Variants in CS observed in about 807,000 individuals in gnomAD.
CS encodes citrate synthase, also known as citrate synthase, mitochondrial.
CS carries 13 observed loss-of-function variants against 61.4 expected under a neutral mutation model. That is an observed-to-expected ratio of 0.21 (90% CI 0.14 to 0.34). The LOEUF is 0.34. CS is among the 10% of genes least tolerant of loss of function. CS has a pLI of 1.00. For missense variants in CS, 278 were observed against 573.4 expected (o/e 0.48, Z 5.26); for synonymous variants, 159 against 215.2 (o/e 0.74, Z 2.29).
intron 1 of CS, among the ~76,000 whole-genome samples, chr12:56,296,385 G>A (rs544122914): frequency 1.3e-5 from 2 of 152,094 alleles, no homozygotes; most frequent in East Asian, 3.9e-4. Flanking sequence ...ATGAGGTTGA[G>A]GCTGTAGTAA....
chr12:56,296,271 GACA>G (rs1162966326), intron 1 of CS, among the ~76,000 whole-genome samples: 1 of 152,032 alleles, frequency 6.6e-6, no homozygotes, highest in African/African-American at 2.4e-5. Context: ...AACCAGCCTG[GACA>G]ACATGGCAAA....
intron 2 of CS, 169 bp from the exon 3 acceptor site, chr12:56,286,192 GA>G: frequency 1.7e-6 from 1 of 602,856 alleles, no homozygotes; most frequent in Admixed American, 3.0e-5. Context: ...GGGGAAGAAG[GA>G]ATGAGGAGTT....
chr12:56,289,160 C>G (rs1400628926), intron 1 of CS, among the ~76,000 whole-genome samples: 1 of 152,200 alleles, frequency 6.6e-6, no homozygotes, highest in Admixed American at 6.5e-5. Flanking sequence ...ACAAACAGCC[C>G]TTCATAGCCC....
chr12:56,277,880 T>G (rs1872669562), intron 6 of CS, among the ~76,000 whole-genome samples: 1 of 152,048 alleles, frequency 6.6e-6, no homozygotes, highest in Admixed American at 6.6e-5. Context: ...TTGCCCACCT[T>G]GGCCCCTCAA....
rs1271940990 is a variant in CS at position 56,272,765 on chromosome 12, T to C, written c.*319A>G. 2 of 202,698 alleles carry C rather than the reference T, an allele frequency of 9.9e-6. No individual in the cohort carries two copies. Among genetic ancestry groups the C allele is most frequent in the South Asian group, 9.6e-5 (1 of 10,410 alleles). 12.6% of individuals were successfully genotyped at this position (202,698 alleles called of 1,614,324 possible). A position where few individuals can be genotyped will look rare whatever the true frequency, so the allele number is the denominator to read the frequency against. On this transcript the variant is annotated 3_prime_UTR_variant, in exon 11 of 11. Coordinates refer to ENST00000351328, the MANE Select transcript of CS (RefSeq NM_004077.3). ...ATTCTCTGCAACCGGCTTTGACCCATGGAAACAGGAGCCAGATTCTCACTC... is the reference window on the plus strand; with the variant it reads ...ATTCTCTGCAACCGGCTTTGACCCACGGAAACAGGAGCCAGATTCTCACTC...
At chr12:56,285,846 G>T in intron 3 of CS, 70 bp downstream of exon 3, 1 of 1,224,908 alleles carries the variant, frequency 8.2e-7, no homozygotes, top group Non-Finnish European at 1.2e-6. Flanking sequence ...ATAGTCAGTG[G>T]AGAGAATGTT....
intron 2 of CS, 148 bp from the exon 3 acceptor site, chr12:56,286,171 G>C: frequency 3.2e-6 from 2 of 628,116 alleles, no homozygotes; most frequent in South Asian, 1.9e-5. Flanking sequence ...GAGGGTAAAA[G>C]AATTAGGCAG....
intron 6 of CS, among the ~76,000 whole-genome samples, chr12:56,281,950 C>G: frequency 6.6e-6 from 1 of 152,130 alleles, no homozygotes; most frequent in Non-Finnish European, 1.5e-5. Flanking sequence ...CCTCCACCTC[C>G]CAGGTTCAAG....
chr12:56,283,837 G>A lies in CS; in HGVS notation c.222C>T (p.Gly74=), dbSNP rs745744682. Residue 74 remains glycine (G), a synonymous_variant, in exon 4 of 11, where the codon GGC becomes GGT. Transcript: ENST00000351328. ...ATGTTTCATAGACCAATCCCTTCATGCCTCTCATGCCACCATACATCTAAA... is the reference window on the plus strand; with the variant it reads ...ATGTTTCATAGACCAATCCCTTCATACCTCTCATGCCACCATACATCTAAA... ...TVDMMYGGMR[G]MKGLVYETSV... 9 of 1,612,590 alleles carry A rather than the reference G, an allele frequency of 5.6e-6. No individual in the cohort carries two copies. In the East Asian group the frequency reaches 2.0e-4, roughly 36 times the overall value.
intron 4 of CS, among the ~76,000 whole-genome samples, chr12:56,283,393 G>A (rs1010176047): frequency 3.9e-5 from 6 of 152,058 alleles, no homozygotes; most frequent in South Asian, 2.1e-4. Flanking sequence ...ACAGGTGCCT[G>A]CCACCATGCC....
At chr12:56,274,693 C>G in intron 9 of CS, 84 bp downstream of exon 9, 4 of 1,026,706 alleles carry the variant, frequency 3.9e-6, no homozygotes, top group South Asian at 1.9e-5. Flanking sequence ...AATTTAGGGA[C>G]CTCTTTCATT....
intron 6 of CS, 24 bp from the exon 7 acceptor site, chr12:56,276,219 A>AG (rs1872620222): frequency 2.5e-6 from 4 of 1,606,322 alleles, no homozygotes; most frequent in Non-Finnish European, 3.4e-6. Flanking sequence ...AGCAAGATGG[A>AG]GAAAAAAAAA....
In CS at chr12:56,281,353, G is replaced by A. The variant is rs565381239; in HGVS notation, c.588+1067C>T. Among the ~76,000 whole-genome samples the A allele has an allele frequency of 8.5e-5, 13 of 152,294 alleles. No individual in the cohort carries two copies. The East Asian group carries it at 1.5e-3, about 18-fold the overall frequency. On this transcript the variant is annotated intron_variant, in intron 6 of 10. Coordinates refer to ENST00000351328, the MANE Select transcript of CS (RefSeq NM_004077.3). ...ACAATCTTTCCATACCCCAACCAGCGTTGTAAACTATTAAGGACACTTTTC... is the reference window on the plus strand; with the variant it reads ...ACAATCTTTCCATACCCCAACCAGCATTGTAAACTATTAAGGACACTTTTC...
chr12:56,285,822 C>G (rs1872924126), intron 3 of CS, 94 bp downstream of exon 3: 1 of 1,018,192 alleles, frequency 9.8e-7, no homozygotes. Context: ...GCCTATGGGA[C>G]AGAATGCTTT....
In CS at chr12:56,273,752, C is replaced by T. The variant is rs541154361; in HGVS notation, c.1065G>A (p.Pro355=). Residue 355 remains proline (P), a synonymous_variant, in exon 10 of 11, where the codon CCG becomes CCA. Coordinates refer to ENST00000351328, the MANE Select transcript of CS (RefSeq NM_004077.3). ...CAAACTCTCGCTGACAGGTATATCGCGGATCAGTCTTCCTTAGTACTGCAT... is the reference window on the plus strand; with the variant it reads ...CAAACTCTCGCTGACAGGTATATCGTGGATCAGTCTTCCTTAGTACTGCAT... ...YGHAVLRKTD[P]RYTCQREFAL... The T allele has an allele frequency of 3.5e-5, 56 of 1,614,130 alleles. No individual in the cohort carries two copies. The highest frequency in any genetic ancestry group is 8.0e-5 in the African/African-American group (6 of 75,004).
At chr12:56,285,845 G>T in intron 3 of CS, 71 bp downstream of exon 3, 1 of 1,217,364 alleles carries the variant, frequency 8.2e-7, no homozygotes, top group Non-Finnish European at 1.2e-6. Context: ...AATAGTCAGT[G>T]GAGAGAATGT....
rs141253517 is a variant in CS at position 56,286,350 on chromosome 12, C to T, written c.93+245G>A. On this transcript the variant is annotated intron_variant, in intron 2 of 10. Transcript: ENST00000351328. ...TAAATTTTATGTTATGTATATTTTA[C>T]ACTACTTAAAACATTTAAAAGAATT... 3,100 of 537,450 alleles carry T rather than the reference C, an allele frequency of 5.8e-3. 10 individuals carry two copies. Among genetic ancestry groups the T allele is most frequent in the Middle Eastern group, 9.4e-3 (19 of 2,032 alleles). 33.3% of individuals were successfully genotyped at this position (537,450 alleles called of 1,614,324 possible).
intron 1 of CS, 27 bp from the exon 2 acceptor site, chr12:56,286,672 G>A: frequency 6.2e-7 from 1 of 1,606,266 alleles, no homozygotes. Context: ...AGAACCTTAT[G>A]TAACTGTTAC....
intron 1 of CS, among the ~76,000 whole-genome samples, chr12:56,289,320 G>A (rs1242068785): frequency 6.6e-6 from 1 of 152,164 alleles, no homozygotes; most frequent in African/African-American, 2.4e-5. Context: ...CTATTCCATG[G>A]TTTAGAGTCC....
Sources: gnomAD v4.1 joint callset for allele counts (sites outside exome capture counted in the v4.1 genomes callset) on GRCh38, gnomAD v4.1.1 for gene constraint, MANE v1.5 for transcripts, NCBI Gene and HGNC (gene_info 2026-07-23, HGNC 2026-07-21) for gene names.